CORO1C: variants seen among roughly 807,000 people sequenced by gnomAD.
The protein encoded by CORO1C is coronin 1C.
In CORO1C, 14 loss-of-function variants were observed where a neutral mutation model predicts 51.2. The ratio of observed to expected loss-of-function variants is 0.27; its 90% CI spans 0.18 to 0.43. CORO1C has a LOEUF of 0.43. CORO1C is among the 20% of genes least tolerant of loss of function. CORO1C has a pLI of 1.00. For synonymous variants in CORO1C, 181 were observed against 210.5 expected, an observed-to-expected ratio of 0.86 and a Z score of 1.21; for missense variants, 417 against 607.8, an observed-to-expected ratio of 0.69 and a Z score of 3.30.
chr12:108,704,200 A>T (rs2034961402), intron 1 of CORO1C, among the ~76,000 whole-genome samples: 1 of 152,200 alleles, frequency 6.6e-6, no homozygotes, highest in Non-Finnish European at 1.5e-5. Context: ...GATTTCCACC[A>T]GGCGCAGTGG....
At chr12:108,692,794 C>CTT (rs11447073) in intron 2 of CORO1C, among the ~76,000 whole-genome samples, 10,094 of 111,612 alleles carry the variant, frequency 0.09, 1,072 homozygotes, top group African/African-American at 0.13. Context: ...TAGACCACAG[C>CTT]TTTTTTTTTT....
intron 4 of CORO1C, among the ~76,000 whole-genome samples, chr12:108,660,297 C>G (rs2136809945): frequency 6.6e-6 from 1 of 152,022 alleles, no homozygotes; most frequent in South Asian, 2.1e-4. Flanking sequence ...ACTAAAAATA[C>G]AACATTAGCC....
At chr12:108,712,170 G>C (rs2035200621) in intron 1 of CORO1C, among the ~76,000 whole-genome samples, 1 of 152,200 alleles carries the variant, frequency 6.6e-6, no homozygotes, top group South Asian at 2.1e-4. Flanking sequence ...ATGTAGAAGA[G>C]ATCCGATGTG....
chr12:108,662,317 G>GTT (rs149021672), intron 3 of CORO1C, among the ~76,000 whole-genome samples, 159 bp from the exon 4 acceptor site: 1 of 148,454 alleles, frequency 6.7e-6, no homozygotes, highest in African/African-American at 2.5e-5. Context: ...GTGTTAGGCG[G>GTT]TTTTTTTTTT....
chr12:108,718,663 C>T (rs894734784), intron 1 of CORO1C, among the ~76,000 whole-genome samples: 2 of 152,178 alleles, frequency 1.3e-5, no homozygotes, highest in African/African-American at 4.8e-5. Context: ...ATAGCGCTTA[C>T]AATCTTACTG....
At chr12:108,728,194 C>CCT (rs1382964534) in intron 1 of CORO1C, among the ~76,000 whole-genome samples, 3 of 152,082 alleles carry the variant, frequency 2.0e-5, no homozygotes, top group Admixed American at 2.0e-4. Flanking sequence ...CGATTACATT[C>CCT]CTAGGTAAAT....
intron 1 of CORO1C, among the ~76,000 whole-genome samples, chr12:108,702,495 A>C (rs2034903001): frequency 6.6e-6 from 1 of 152,190 alleles, no homozygotes; most frequent in Non-Finnish European, 1.5e-5. Context: ...CCTGATTAAG[A>C]TTTCCTAGAC....
chr12:108,730,578 T>C (rs970759076), intron 1 of CORO1C: 3 of 152,466 alleles, frequency 2.0e-5, no homozygotes, highest in Non-Finnish European at 4.4e-5. Context: ...CTCGCTCCTT[T>C]TTACTGCGTC....
At chr12:108,669,276 TA>T (rs1197919882) in intron 3 of CORO1C, among the ~76,000 whole-genome samples, 2 of 152,204 alleles carry the variant, frequency 1.3e-5, no homozygotes, top group African/African-American at 4.8e-5. Context: ...AAGCAGTTTT[TA>T]AAAAATTACT....
intron 1 of CORO1C, among the ~76,000 whole-genome samples, chr12:108,707,470 G>A (rs1325761142): frequency 6.6e-6 from 1 of 152,148 alleles, no homozygotes; most frequent in Admixed American, 6.5e-5. Flanking sequence ...GGGACAATAC[G>A]TAAAATAGCT....
At chr12:108,705,837 G>A (rs913964105) in intron 1 of CORO1C, among the ~76,000 whole-genome samples, 8 of 151,966 alleles carry the variant, frequency 5.3e-5, no homozygotes, top group African/African-American at 1.5e-4. Flanking sequence ...ATCAATTAAC[G>A]TAACACATTA....
rs962066510 is a variant in CORO1C, at chr12:108,658,493, C to G, written c.630+245G>C. 6.6e-6 allele frequency among the ~76,000 whole-genome samples: 1 copy of G among 152,190 alleles called. No individual in the cohort carries two copies. Among genetic ancestry groups the G allele is most frequent in the African/African-American group, 2.4e-5 (1 of 41,446 alleles). ...TCTTAAGGACTCTAGTGAACTGATACAAACTATTTCTTTGTGAAAAAAGGC... is the reference window on the plus strand; with the variant it reads ...TCTTAAGGACTCTAGTGAACTGATAGAAACTATTTCTTTGTGAAAAAAGGC... On this transcript the variant is annotated intron_variant, in intron 5 of 10. Coordinates refer to ENST00000261401, the MANE Select transcript of CORO1C (RefSeq NM_014325.4). The surrounding 1 kb of genome is among the most constrained non-coding windows in gnomAD (Gnocchi z 4.9).
chr12:108,656,179 C>G (rs1424319268), intron 6 of CORO1C, among the ~76,000 whole-genome samples: 1 of 145,006 alleles, frequency 6.9e-6, no homozygotes, highest in Admixed American at 6.9e-5. Context: ...AGCCCCTCCG[C>G]CCGGCAGCCG....
chr12:108,703,184 T>C (rs2034928658), intron 1 of CORO1C: 2 of 365,950 alleles, frequency 5.5e-6, no homozygotes, highest in African/African-American at 4.2e-5. Flanking sequence ...CTGCAATCCC[T>C]ACCAGCATCT....
chr12:108,703,605 A>T (rs1387068303), intron 1 of CORO1C, among the ~76,000 whole-genome samples: 1 of 152,162 alleles, frequency 6.6e-6, no homozygotes, highest in East Asian at 1.9e-4. Context: ...TCCCCAGAAC[A>T]CTCCAAGGAG....
At chr12:108,715,668 G>GCAGAACCATATAAAATC (rs1555222868) in intron 1 of CORO1C, among the ~76,000 whole-genome samples, 7,953 of 34,282 alleles carry the variant, frequency 0.23, 470 homozygotes, top group East Asian at 0.59. Flanking sequence ...TCACAACACT[G>GCAGAACCATATAAAATC]GCAGCAGCCA....
At chr12:108,664,178 T>C (rs1592865204) in intron 3 of CORO1C, among the ~76,000 whole-genome samples, 1 of 152,186 alleles carries the variant, frequency 6.6e-6, no homozygotes, top group Non-Finnish European at 1.5e-5. Flanking sequence ...AAATTTACCA[T>C]CAGAAAATGA....
chr12:108,715,980 A>T (rs940322298), intron 1 of CORO1C, among the ~76,000 whole-genome samples: 1 of 151,528 alleles, frequency 6.6e-6, no homozygotes, highest in African/African-American at 2.4e-5. Flanking sequence ...AAAATGCAAA[A>T]ATTGGCCAGG....
intron 8 of CORO1C, among the ~76,000 whole-genome samples, chr12:108,651,748 T>G (rs1338206504): frequency 1.3e-5 from 2 of 152,324 alleles, no homozygotes; most frequent in Non-Finnish European, 2.9e-5. Context: ...ACTTCAGTTA[T>G]ATGGGCAGGA....
Sources: gnomAD v4.1 joint callset for allele counts (sites outside exome capture counted in the v4.1 genomes callset) on GRCh38, gnomAD v4.1.1 for gene constraint, Gnocchi (gnomAD v3.1) non-coding constraint, MANE v1.5 for transcripts, NCBI Gene and HGNC (gene_info 2026-07-23, HGNC 2026-07-21) for gene names.